The following C1orf21 variants were observed in gnomAD, a reference collection of about 807,000 sequenced individuals.
The protein encoded by C1orf21 is uncharacterized protein C1orf21.
Under a neutral mutation model 18.7 loss-of-function variants are expected in C1orf21, and 3 were observed. That is an observed-to-expected ratio of 0.16 (90% CI 0.07 to 0.42). C1orf21 has a LOEUF of 0.42. Among genes scored for constraint, C1orf21 ranks in the 10% least tolerant of loss-of-function variants. The probability of loss-of-function intolerance (pLI) is 0.99; values close to 1 mark genes in which losing one functional copy is unlikely to be tolerated. For missense variants in C1orf21, 104 were observed against 143.6 expected, an observed-to-expected ratio of 0.72 and a Z score of 1.41; for synonymous variants, 41 against 46.4, an observed-to-expected ratio of 0.88 and a Z score of 0.47.
chr1:184,598,592 A>T, intron 5 of C1orf21, 131 bp downstream of exon 5: 2 of 854,286 alleles, frequency 2.3e-6, no homozygotes, highest in Non-Finnish European at 3.6e-6. Flanking sequence ...AGAGTTAAAT[A>T]AAAGTCACCG....
rs1558018644 is a variant in C1orf21, at chr1:184,624,614, C to T, written c.*5058C>T. 6.6e-6 allele frequency: 1 copy of T among 152,182 alleles called. No homozygotes were observed. Among genetic ancestry groups the T allele is most frequent in the African/African-American group, 2.4e-5 (1 of 41,444 alleles). The allele number at this position is 152,182 out of a possible 1,614,324, so 9.4% of individuals were successfully genotyped here. ...CTGGACCACTGACTTGCATTGAAAT[C>T]CTTTCTTGTGGGCTAGGGTTTGATG... On this transcript the variant is annotated 3_prime_UTR_variant, in exon 6 of 6. Coordinates refer to ENST00000235307, the MANE Select transcript of C1orf21 (RefSeq NM_030806.4).
intron 3 of C1orf21, among the ~76,000 whole-genome samples, chr1:184,518,837 C>T (rs1658266099): frequency 6.6e-6 from 1 of 152,036 alleles, no homozygotes; most frequent in Non-Finnish European, 1.5e-5. Context: ...TACTGTGAGT[C>T]TCTGATGGAG....
intron 2 of C1orf21, among the ~76,000 whole-genome samples, chr1:184,505,390 TTA>T (rs2101962902): frequency 7.3e-6 from 1 of 137,322 alleles, no homozygotes; most frequent in South Asian, 2.3e-4. Flanking sequence ...CTATATATAT[TTA>T]TATCAGTGTT....
At chr1:184,558,453 G>A (rs984457701) in intron 3 of C1orf21, among the ~76,000 whole-genome samples, 9 of 152,144 alleles carry the variant, frequency 5.9e-5, no homozygotes, top group African/African-American at 2.2e-4. Flanking sequence ...TATCTTATAT[G>A]CCAGGAATTC....
intron 4 of C1orf21, among the ~76,000 whole-genome samples, chr1:184,591,624 A>G (rs955263871): frequency 7.2e-5 from 11 of 151,964 alleles, no homozygotes; most frequent in East Asian, 1.9e-4. Context: ...GGCTAACACG[A>G]TGAAACCCCA....
intron 5 of C1orf21, among the ~76,000 whole-genome samples, chr1:184,602,894 G>C (rs1482229116): frequency 6.6e-6 from 1 of 152,176 alleles, no homozygotes; most frequent in Non-Finnish European, 1.5e-5. Context: ...TCCTCAAAGA[G>C]GATCCTGAAT....
At chr1:184,575,955 G>GA (rs991939366) in intron 3 of C1orf21, among the ~76,000 whole-genome samples, 18 of 150,184 alleles carry the variant, frequency 1.2e-4, no homozygotes, top group East Asian at 7.8e-4. Context: ...AGGAGGTCAT[G>GA]AAAAAAAAAT....
At chr1:184,451,462 A>ATTTT (rs374550435) in intron 1 of C1orf21, among the ~76,000 whole-genome samples, 1,592 of 77,578 alleles carry the variant, frequency 0.021, 45 homozygotes, top group African/African-American at 0.074. Context: ...GGCTAATTTA[A>ATTTT]TTTTTTTTTT....
chr1:184,591,157 T>TC (rs1291817844), intron 4 of C1orf21, among the ~76,000 whole-genome samples: 2 of 152,120 alleles, frequency 1.3e-5, no homozygotes, highest in Non-Finnish European at 2.9e-5. Flanking sequence ...ATGGAACCAA[T>TC]CCCCCACAGA....
chr1:184,416,340 A>T (rs1315428691), intron 1 of C1orf21, among the ~76,000 whole-genome samples: 1 of 152,214 alleles, frequency 6.6e-6, no homozygotes. Context: ...ACAATGGGAA[A>T]AAATAAAATT....
intron 2 of C1orf21, among the ~76,000 whole-genome samples, chr1:184,503,840 A>G (rs1415488705): frequency 1.3e-5 from 2 of 152,192 alleles, no homozygotes; most frequent in Non-Finnish European, 2.9e-5. Flanking sequence ...AATCAACTAG[A>G]GAAATGGTTG....
rs1350688901 is a variant in C1orf21 at position 184,622,246 on chromosome 1, G to A, written c.*2690G>A. The A allele has an allele frequency of 6.6e-6, 1 of 152,288 alleles. No homozygotes were observed. The highest frequency in any genetic ancestry group is 2.4e-5 in the African/African-American group (1 of 41,452). 9.4% of individuals were successfully genotyped at this position (152,288 alleles called of 1,614,324 possible). A position where few individuals can be genotyped will look rare whatever the true frequency, so the allele number is the denominator to read the frequency against. Reference sequence around the variant, plus strand: ...GAAGGGAGGGTAAGTGGCCTGGTGAGTGGAGGTAGAAAAATGATGAGAAAT... The same window carrying A: ...GAAGGGAGGGTAAGTGGCCTGGTGAATGGAGGTAGAAAAATGATGAGAAAT... On this transcript the variant is annotated 3_prime_UTR_variant, in exon 6 of 6. Coordinates refer to ENST00000235307, the MANE Select transcript of C1orf21 (RefSeq NM_030806.4).
intron 3 of C1orf21, among the ~76,000 whole-genome samples, chr1:184,521,386 C>T (rs1571397237): frequency 6.6e-6 from 1 of 152,160 alleles, no homozygotes; most frequent in Non-Finnish European, 1.5e-5. Flanking sequence ...ACCAAGGTGT[C>T]CTTCAATAGA....
At chr1:184,481,609 C>T (rs1376854860) in intron 2 of C1orf21, among the ~76,000 whole-genome samples, 4 of 152,146 alleles carry the variant, frequency 2.6e-5, no homozygotes, top group African/African-American at 9.7e-5. Context: ...CTCTGTGCCT[C>T]TGTGTAGTTC....
chr1:184,524,019 T>C (rs1255557382), intron 3 of C1orf21, among the ~76,000 whole-genome samples: 7 of 152,180 alleles, frequency 4.6e-5, no homozygotes, highest in Non-Finnish European at 8.8e-5. Flanking sequence ...TTTGACTTTT[T>C]ACCACTACAG....
rs114063129 is a variant in C1orf21 at position 184,572,425 on chromosome 1, T to C, written c.190-18314T>C. 9.8e-3 allele frequency among the ~76,000 whole-genome samples: 1,497 copies of C among 152,302 alleles called. 30 individuals carry two copies. Among genetic ancestry groups the C allele is most frequent in the African/African-American group, 0.035 (1,437 of 41,552 alleles). ...TCTGTTCTGTTTTGTAAGCATGTTT[T>C]CTGGAAAATGACTGTTAGACAGCAG... On this transcript the variant is annotated intron_variant, in intron 3 of 5. Coordinates refer to ENST00000235307, the MANE Select transcript of C1orf21 (RefSeq NM_030806.4).
At chr1:184,535,449 G>A (rs1658536954) in intron 3 of C1orf21, among the ~76,000 whole-genome samples, 1 of 152,280 alleles carries the variant, frequency 6.6e-6, no homozygotes, top group South Asian at 2.1e-4. Flanking sequence ...AAGGTCAGAT[G>A]TTTTTGTGCT....
intron 3 of C1orf21, among the ~76,000 whole-genome samples, chr1:184,557,541 G>A (rs1027504926): frequency 6.6e-6 from 1 of 152,104 alleles, no homozygotes; most frequent in East Asian, 1.9e-4. Context: ...TAGAATAATG[G>A]TCTCCAGTTC....
At chr1:184,566,837 C>T (rs1037350469) in intron 3 of C1orf21, 5 of 483,202 alleles carry the variant, frequency 1.0e-5, no homozygotes, top group Middle Eastern at 3.6e-4. Context: ...ACTAGAGTCT[C>T]ACATCCAAAT....
Sources: allele counts gnomAD v4.1 joint callset (sites outside exome capture counted in the v4.1 genomes callset), GRCh38; gene constraint gnomAD v4.1.1; transcripts MANE v1.5; gene names NCBI Gene and HGNC (gene_info 2026-07-23, HGNC 2026-07-21).